The following NTRK3 variants were observed in gnomAD, a reference collection of about 807,000 sequenced individuals.
The protein encoded by NTRK3 is neurotrophic receptor tyrosine kinase 3, also known as NT-3 growth factor receptor.
A neutral mutation model predicts 91.7 loss-of-function variants in NTRK3; 24 were observed. The ratio of observed to expected loss-of-function variants is 0.26; its 90% CI spans 0.19 to 0.37. The LOEUF is 0.37. Among genes scored for constraint, NTRK3 ranks in the 10% least tolerant of loss-of-function variants. The probability of loss-of-function intolerance (pLI) is 1.00; values close to 1 mark genes in which losing one functional copy is unlikely to be tolerated. For synonymous variants in NTRK3, 483 were observed against 404.0 expected (o/e 1.20, Z -2.34); for missense variants, 880 against 1,068.9 (o/e 0.82, Z 2.46).
chr15:87,903,206 C>A (rs2066557460), intron 17 of NTRK3, among the ~76,000 whole-genome samples: 1 of 152,244 alleles, frequency 6.6e-6, no homozygotes, highest in Non-Finnish European at 1.5e-5. Context: ...GCAGAACCCA[C>A]ATCATCGCCA....
intron 3 of NTRK3, among the ~76,000 whole-genome samples, chr15:88,244,638 T>G (rs1306344124): frequency 1.3e-5 from 2 of 152,158 alleles, no homozygotes; most frequent in Non-Finnish European, 2.9e-5. Context: ...AGCCCTTCCC[T>G]CCCTGCAGAA....
intron 17 of NTRK3, among the ~76,000 whole-genome samples, chr15:87,904,938 C>T (rs2066673176): frequency 6.6e-6 from 1 of 152,144 alleles, no homozygotes; most frequent in South Asian, 2.1e-4. Flanking sequence ...AGTGGAGTAT[C>T]CTATGGAGGA....
intron 5 of NTRK3, among the ~76,000 whole-genome samples, chr15:88,173,251 G>A (rs562903306): frequency 8.6e-4 from 131 of 152,216 alleles, no homozygotes; most frequent in South Asian, 7.3e-3. Context: ...TTGAAGTTGC[G>A]CACATAGGCA....
chr15:88,192,241 C>T (rs565587649), intron 3 of NTRK3, among the ~76,000 whole-genome samples: 1 of 152,300 alleles, frequency 6.6e-6, no homozygotes, highest in Non-Finnish European at 1.5e-5. Context: ...ATCTTCACTG[C>T]TACCCCACTA....
intron 13 of NTRK3, among the ~76,000 whole-genome samples, chr15:88,083,791 C>A (rs2048265612): frequency 6.6e-6 from 1 of 152,120 alleles, no homozygotes; most frequent in African/African-American, 2.4e-5. Flanking sequence ...GGGCTTTAGG[C>A]TTGAGGAGTA....
At chr15:87,946,874 CTTTTTTTTTT>C (rs560114979) in intron 14 of NTRK3, among the ~76,000 whole-genome samples, 3 of 85,446 alleles carry the variant, frequency 3.5e-5, no homozygotes, top group Admixed American at 1.6e-4. Flanking sequence ...TTCGTGGGTT[CTTTTTTTTTT>C]TTTTTTTTTT....
chr15:87,973,676 G>C (rs547961586), intron 14 of NTRK3, among the ~76,000 whole-genome samples: 1 of 152,190 alleles, frequency 6.6e-6, no homozygotes, highest in South Asian at 2.1e-4. Flanking sequence ...TGGGAGAGAG[G>C]AGGAGGAGAG....
intron 14 of NTRK3, among the ~76,000 whole-genome samples, chr15:87,957,072 G>C (rs2071745807): frequency 6.6e-6 from 1 of 152,130 alleles, no homozygotes; most frequent in Non-Finnish European, 1.5e-5. Flanking sequence ...GAGCCAGACT[G>C]TCTGGGATCA....
At chr15:88,067,143 C>T (rs1344362657) in intron 13 of NTRK3, among the ~76,000 whole-genome samples, 1 of 152,172 alleles carries the variant, frequency 6.6e-6, no homozygotes, top group African/African-American at 2.4e-5. Context: ...CAGACCTTCC[C>T]TTGGATCAGT....
chr15:87,866,807 CT>C (rs200856657), exon 19 of NTRK3: 20 of 197,274 alleles, frequency 1.0e-4, no homozygotes, highest in Admixed American at 6.1e-4. Flanking sequence ...TTGAAAAAGG[CT>C]TTTTTTTCCC....
At chr15:88,207,174 A>G (rs1441288003) in intron 3 of NTRK3, among the ~76,000 whole-genome samples, 1 of 152,126 alleles carries the variant, frequency 6.6e-6, no homozygotes, top group Non-Finnish European at 1.5e-5. Flanking sequence ...GCTTGACCCT[A>G]ACAGGCTGGT....
chr15:87,963,893 C>T (rs1465632213), intron 14 of NTRK3, among the ~76,000 whole-genome samples: 1 of 152,106 alleles, frequency 6.6e-6, no homozygotes, highest in African/African-American at 2.4e-5. Context: ...GGTTCAACCA[C>T]ATTTATTTAG....
exon 19 of NTRK3, chr15:87,875,764 G>T (rs1215162553): frequency 8.6e-6 from 2 of 232,896 alleles, no homozygotes; most frequent in African/African-American, 4.4e-5. Context: ...CCTCTCACTA[G>T]ACCTGGCTCC....
rs538763783 is a variant in NTRK3 at position 88,135,880 on chromosome 15, C to A, written c.907+19G>T. On this transcript the variant is annotated intron_variant, in intron 9 of 18. Transcript: ENST00000394480. ...TTGCCCCTCACACACAGCCATCCCC[C>A]ACAATAACATGCACTTACAGTAGAC... 2.1e-4 allele frequency: 343 copies of A among 1,613,866 alleles called. 5 individuals are homozygous for A. The South Asian group carries it at 3.5e-3, about 17-fold the overall frequency.
intron 15 of NTRK3, among the ~76,000 whole-genome samples, chr15:87,936,190 A>G (rs1349461165): frequency 1.1e-4 from 16 of 152,214 alleles, no homozygotes. Context: ...GTTACCAACT[A>G]TCAGTGTAGA....
At chr15:87,979,396 G>T (rs1427166160) in intron 14 of NTRK3, 2 of 1,613,808 alleles carry the variant, frequency 1.2e-6, no homozygotes, top group Non-Finnish European at 1.7e-6. Flanking sequence ...CCTCAACATA[G>T]ATGCCATGGT....
At chr15:88,189,843 T>C (rs1445496235) in intron 3 of NTRK3, among the ~76,000 whole-genome samples, 1 of 152,190 alleles carries the variant, frequency 6.6e-6, no homozygotes, top group Non-Finnish European at 1.5e-5. Flanking sequence ...CAAAATTGGA[T>C]GGTACAGAAT....
At chr15:88,097,361 T>C (rs974393783) in intron 13 of NTRK3, among the ~76,000 whole-genome samples, 5 of 152,192 alleles carry the variant, frequency 3.3e-5, no homozygotes, top group Admixed American at 2.0e-4. Flanking sequence ...ATTATGTATA[T>C]GTCTACCTGA....
intron 3 of NTRK3, among the ~76,000 whole-genome samples, chr15:88,215,652 C>A (rs1165026632): frequency 6.6e-6 from 1 of 152,216 alleles, no homozygotes; most frequent in Non-Finnish European, 1.5e-5. Flanking sequence ...AACACAATTG[C>A]ATAACAAAGA....
Sources: gnomAD v4.1 joint callset for allele counts (sites outside exome capture counted in the v4.1 genomes callset) on GRCh38, gnomAD v4.1.1 for gene constraint, MANE v1.5 for transcripts, NCBI Gene and HGNC (gene_info 2026-07-23, HGNC 2026-07-21) for gene names.